SOX6: variants seen among roughly 807,000 people sequenced by gnomAD.
The protein encoded by SOX6 is SRY-box transcription factor 6.
Under a neutral mutation model 97.8 loss-of-function variants are expected in SOX6, and 11 were observed. The observed-to-expected ratio is 0.11, with a 90% CI of 0.07 to 0.19. The LOEUF is 0.19. Among genes scored for constraint, SOX6 ranks in the 10% least tolerant of loss-of-function variants. SOX6 has a pLI of 1.00. For synonymous variants in SOX6, 360 were observed against 371.4 expected, an observed-to-expected ratio of 0.97 and a Z score of 0.35; for missense variants, 810 against 1,039.5, an observed-to-expected ratio of 0.78 and a Z score of 3.04.
At chr11:16,146,530 C>A (rs1850302913) in intron 6 of SOX6, among the ~76,000 whole-genome samples, 3 of 152,158 alleles carry the variant, frequency 2.0e-5, no homozygotes, top group African/African-American at 4.8e-5. Context: ...AGAGCTTCTG[C>A]ACAGCAAAAG....
At chr11:16,635,820 G>A (rs865933076) in intron 3 of SOX6, among the ~76,000 whole-genome samples, 4 of 152,362 alleles carry the variant, frequency 2.6e-5, no homozygotes, top group South Asian at 2.1e-4. Flanking sequence ...TCAGGCCATT[G>A]CTTCAGAGCA....
intron 7 of SOX6, among the ~76,000 whole-genome samples, chr11:16,098,191 TA>T (rs1297875178): frequency 6.6e-6 from 1 of 151,768 alleles, no homozygotes; most frequent in African/African-American, 2.4e-5. Context: ...TTCAATATGA[TA>T]GGGCTGAGAG....
At chr11:16,162,015 T>TA (rs2134071102) in intron 6 of SOX6, among the ~76,000 whole-genome samples, 1 of 152,318 alleles carries the variant, frequency 6.6e-6, no homozygotes, top group Non-Finnish European at 1.5e-5. Flanking sequence ...TTATATATAA[T>TA]AGAGTTTTCA....
At chr11:16,096,151 A>G in intron 8 of SOX6, 33 bp from the exon 9 acceptor site, 4 of 1,599,598 alleles carry the variant, frequency 2.5e-6, no homozygotes, top group South Asian at 1.1e-5. Context: ...AAAAAAAAAA[A>G]GACAAAACAT....
intron 3 of SOX6, chr11:16,315,988 C>T (rs1855749211): frequency 6.6e-6 from 1 of 152,102 alleles, no homozygotes; most frequent in Non-Finnish European, 1.5e-5. Flanking sequence ...GTGGGACTAC[C>T]AACTCTTGAA....
chr11:16,331,081 T>A (rs1415607105), intron 2 of SOX6, among the ~76,000 whole-genome samples: 1 of 152,174 alleles, frequency 6.6e-6, no homozygotes, highest in Non-Finnish European at 1.5e-5. Context: ...ATAGAGCTCC[T>A]CTTAAGAGGT....
intron 2 of SOX6, among the ~76,000 whole-genome samples, chr11:16,333,399 A>G (rs1856369304): frequency 6.6e-6 from 1 of 152,164 alleles, no homozygotes; most frequent in South Asian, 2.1e-4. Flanking sequence ...TCCAGTTATC[A>G]TATTTCATTA....
intron 1 of SOX6, among the ~76,000 whole-genome samples, chr11:16,438,161 A>G (rs1859423515): frequency 6.6e-6 from 1 of 152,156 alleles, no homozygotes; most frequent in South Asian, 2.1e-4. Flanking sequence ...ATATATATAC[A>G]CTATATATGC....
intron 1 of SOX6, among the ~76,000 whole-genome samples, chr11:16,349,692 G>GGAAA (rs1856868160): frequency 2.1e-5 from 1 of 47,352 alleles, no homozygotes; most frequent in Non-Finnish European, 5.3e-5. Flanking sequence ...AAGGAAGGAA[G>GGAAA]GAAGGAAGGA....
chr11:16,561,139 G>A (rs977762439), intron 4 of SOX6, among the ~76,000 whole-genome samples: 2 of 151,888 alleles, frequency 1.3e-5, no homozygotes, highest in African/African-American at 4.8e-5. Flanking sequence ...AAAGAAGGAA[G>A]AAAGAACGGC....
chr11:16,574,575 T>C (rs73417195), intron 4 of SOX6, among the ~76,000 whole-genome samples: 3,874 of 151,894 alleles, frequency 0.026, 153 homozygotes, highest in African/African-American at 0.088. Flanking sequence ...AGGAAAAGCA[T>C]TAACCAAAAA....
chr11:16,727,461 G>A lies in SOX6; in HGVS notation n.353+8878C>T, dbSNP rs186331636. ...CTTTTTTTTTTTGAGATGGAATCTC[G>A]CTGTGCTGACCAGGCTGGAATGCAA... On this transcript the variant is annotated intron_variant and non_coding_transcript_variant, in intron 2 of 5. Transcript: ENST00000524520. Among the ~76,000 whole-genome samples, 170 of 149,916 alleles carry A rather than the reference G, an allele frequency of 1.1e-3. 6 individuals carry two copies. Among genetic ancestry groups the A allele is most frequent in the Admixed American group, 4.7e-4 (7 of 14,998 alleles).
intron 4 of SOX6, among the ~76,000 whole-genome samples, chr11:16,516,954 G>A (rs1164741585): frequency 2.2e-5 from 3 of 135,814 alleles, no homozygotes; most frequent in African/African-American, 8.4e-5. Flanking sequence ...ACCGAATCCA[G>A]CAGCACATCA....
intron 6 of SOX6, among the ~76,000 whole-genome samples, chr11:16,175,021 C>G (rs1030121230): frequency 6.6e-6 from 1 of 151,922 alleles, no homozygotes; most frequent in Non-Finnish European, 1.5e-5. Context: ...CACTCACTGA[C>G]AGTTGAAAAG....
At chr11:16,579,483 T>C (rs1228443640) in intron 4 of SOX6, among the ~76,000 whole-genome samples, 1 of 152,064 alleles carries the variant, frequency 6.6e-6, no homozygotes, top group East Asian at 1.9e-4. Flanking sequence ...CTGACTTCTA[T>C]CATTGTAAAG....
chr11:16,179,999 G>A (rs888519268), intron 6 of SOX6, among the ~76,000 whole-genome samples: 2 of 151,596 alleles, frequency 1.3e-5, no homozygotes, highest in South Asian at 2.1e-4. Flanking sequence ...AAATTCCATC[G>A]TTAAATGTGT....
Position 16,196,580 on chromosome 11 carries a change from T to C in SOX6, c.536-9625A>G, listed in dbSNP as rs116834889. Among the ~76,000 whole-genome samples, 882 of 152,310 alleles carry C rather than the reference T, an allele frequency of 5.8e-3. 13 individuals are homozygous for C. Among genetic ancestry groups the C allele is most frequent in the African/African-American group, 0.02 (831 of 41,574 alleles). On this transcript the variant is annotated intron_variant, in intron 4 of 15. Transcript: ENST00000683767. Reference sequence around the variant, plus strand: ...CGACTAGTACAATGTCCTGTGACCTTTCAGTCCAAGTCACAAATATCCAAC... The same window carrying C: ...CGACTAGTACAATGTCCTGTGACCTCTCAGTCCAAGTCACAAATATCCAAC...
At chr11:16,525,648 A>C (rs1465045654) in intron 4 of SOX6, among the ~76,000 whole-genome samples, 2 of 151,844 alleles carry the variant, frequency 1.3e-5, no homozygotes, top group Non-Finnish European at 2.9e-5. Flanking sequence ...TAATTAAACT[A>C]AAGAGCTTCT....
intron 1 of SOX6, among the ~76,000 whole-genome samples, chr11:16,364,006 G>T (rs1218525403): frequency 6.6e-6 from 1 of 152,082 alleles, no homozygotes; most frequent in African/African-American, 2.4e-5. Context: ...TCGATGGTAG[G>T]AACTACTTGT....
Sources: gnomAD v4.1 joint callset for allele counts (sites outside exome capture counted in the v4.1 genomes callset) on GRCh38, gnomAD v4.1.1 for gene constraint, MANE v1.5 for transcripts, NCBI Gene and HGNC (gene_info 2026-07-23, HGNC 2026-07-21) for gene names.